UBAP1: variants seen among roughly 807,000 people sequenced by gnomAD.
The protein encoded by UBAP1 is ubiquitin associated protein 1.
UBAP1 carries 5 observed loss-of-function variants against 39.0 expected under a neutral mutation model. The ratio of observed to expected loss-of-function variants is 0.13; its 90% confidence interval spans 0.07 to 0.27. UBAP1 has a LOEUF of 0.27. Among genes scored for constraint, UBAP1 ranks in the 10% least tolerant of loss-of-function variants. The pLI, the probability that UBAP1 is intolerant of heterozygous loss-of-function variation, is 1.00. For synonymous variants in UBAP1, 211 were observed against 225.1 expected (o/e 0.94, Z 0.56); for missense variants, 490 against 608.1 (o/e 0.81, Z 2.04).
At chr9:34,230,254 C>CG (rs1471692369) in intron 2 of UBAP1, among the ~76,000 whole-genome samples, 1 of 150,630 alleles carries the variant, frequency 6.6e-6, no homozygotes, top group African/African-American at 2.4e-5. Flanking sequence ...TTAGTAGAGA[C>CG]GGGGTTTCAC....
At chr9:34,179,637 G>T (rs1829903683) in intron 1 of UBAP1, among the ~76,000 whole-genome samples, 1 of 152,060 alleles carries the variant, frequency 6.6e-6, no homozygotes, top group South Asian at 2.1e-4. Context: ...AGCTGGGGAC[G>T]TGCGGTGTAG....
intron 1 of UBAP1, among the ~76,000 whole-genome samples, chr9:34,184,874 G>T (rs1392551525): frequency 1.3e-5 from 2 of 150,934 alleles, no homozygotes; most frequent in African/African-American, 4.9e-5. Flanking sequence ...CTCCCACCTC[G>T]GCCTCCCAAA....
chr9:34,193,267 C>T (rs1028760316), intron 1 of UBAP1, among the ~76,000 whole-genome samples: 5 of 152,070 alleles, frequency 3.3e-5, no homozygotes, highest in Non-Finnish European at 7.4e-5. Flanking sequence ...GCTGAGATCA[C>T]GCCACTGCGC....
chr9:34,243,000 T>C (rs1171968023), intron 4 of UBAP1, among the ~76,000 whole-genome samples: 1 of 152,210 alleles, frequency 6.6e-6, no homozygotes, highest in Non-Finnish European at 1.5e-5. Context: ...TCTTGGTCAA[T>C]GATAGTCTGT....
At chr9:34,227,105 A>G (rs1161605739) in intron 2 of UBAP1, among the ~76,000 whole-genome samples, 1 of 152,114 alleles carries the variant, frequency 6.6e-6, no homozygotes, top group Non-Finnish European at 1.5e-5. Flanking sequence ...TCTGTGTCTT[A>G]TAATTTTTAA....
At chr9:34,235,143 A>G (rs967760420) in intron 3 of UBAP1, among the ~76,000 whole-genome samples, 4 of 152,190 alleles carry the variant, frequency 2.6e-5, no homozygotes, top group Non-Finnish European at 5.9e-5. Context: ...GAGTATAAAG[A>G]AAAATGTTTT....
chr9:34,182,807 TTCAC>T (rs1830165941), intron 1 of UBAP1, among the ~76,000 whole-genome samples: 1 of 151,774 alleles, frequency 6.6e-6, no homozygotes, highest in Admixed American at 6.6e-5. Context: ...GCCTCCTGGG[TTCAC>T]GCCATTCTCC....
intron 4 of UBAP1, among the ~76,000 whole-genome samples, chr9:34,247,028 T>G (rs1007797776): frequency 6.6e-6 from 1 of 152,166 alleles, no homozygotes; most frequent in African/African-American, 2.4e-5. Context: ...GAAAAAATAA[T>G]GACAAATGGC....
rs780419718 is a variant in UBAP1, at chr9:34,251,481, T to C, written c.1458T>C (p.Asn486=). ...DIKEVLLLHN[N]DQDNALEDLM... is the part of the protein sequence containing the mutation. ...AGGAAGTTTTGCTATTACACAACAA[T>C]GACCAGGACAATGCTTTGGAAGACC... The change falls in exon 7 of 7, where the codon AAT becomes AAC. Residue 486 remains asparagine, a synonymous_variant. Transcript: ENST00000297661. 1 of 1,614,202 alleles carries C rather than the reference T, an allele frequency of 6.2e-7. No individual in the cohort carries two copies. Among genetic ancestry groups the C allele is most frequent in the South Asian group, 1.1e-5 (1 of 91,084 alleles).
intron 1 of UBAP1, among the ~76,000 whole-genome samples, chr9:34,180,596 A>G (rs1014225021): frequency 8.6e-5 from 13 of 151,976 alleles, no homozygotes; most frequent in African/African-American, 3.1e-4. Flanking sequence ...TTAACTTACT[A>G]TAAGTGAAAT....
chr9:34,189,188 TC>T (rs1830578125), intron 1 of UBAP1, among the ~76,000 whole-genome samples: 1 of 151,000 alleles, frequency 6.6e-6, no homozygotes, highest in Non-Finnish European at 1.5e-5. Flanking sequence ...GATCATTATA[TC>T]TTTTTTTTTT....
intron 2 of UBAP1, among the ~76,000 whole-genome samples, chr9:34,232,312 G>C (rs1199859744): frequency 6.6e-6 from 1 of 152,158 alleles, no homozygotes; most frequent in Non-Finnish European, 1.5e-5. Flanking sequence ...CTTCTTAAAG[G>C]GCTAAATAAT....
chr9:34,203,022 TTC>T (rs1221995918), intron 1 of UBAP1, among the ~76,000 whole-genome samples: 1 of 152,170 alleles, frequency 6.6e-6, no homozygotes, highest in African/African-American at 2.4e-5. Flanking sequence ...AGTCTGTAGG[TTC>T]TCTTTTCATC....
At chr9:34,229,022 A>G (rs1280922232) in intron 2 of UBAP1, among the ~76,000 whole-genome samples, 1 of 152,154 alleles carries the variant, frequency 6.6e-6, no homozygotes, top group Non-Finnish European at 1.5e-5. Context: ...TACTAAATAA[A>G]TCACCTTGGC....
At chr9:34,196,232 G>A (rs557922355) in intron 1 of UBAP1, among the ~76,000 whole-genome samples, 3 of 151,420 alleles carry the variant, frequency 2.0e-5, no homozygotes, top group African/African-American at 4.8e-5. Flanking sequence ...TCGACCTTTC[G>A]GGCTGAAGTT....
chr9:34,182,141 G>A (rs1587770978), intron 1 of UBAP1, among the ~76,000 whole-genome samples: 2 of 147,532 alleles, frequency 1.4e-5, no homozygotes, highest in Middle Eastern at 6.8e-3. Flanking sequence ...TTTAACTATG[G>A]TATTTAAGGA....
chr9:34,241,957 G>C lies in UBAP1; in HGVS notation c.932G>C (p.Ser311Thr). Residue 311 changes from serine to threonine, a missense_variant, in exon 4 of 7, where the codon AGT (serine) becomes ACT (threonine). Physicochemically the swap from Ser to Thr is moderately conservative, Grantham distance 58 (BLOSUM62 1). Transcript: ENST00000297661. ...SLKPSTQSSA[S>T]ELNGHHTLGL... is the part of the protein sequence containing the mutation. ...AAGCCTTCCACCCAAAGCAGTGCCA[G>C]TGAGCTCAATGGGCATCACACTCTT... 6.2e-7 allele frequency: 1 copy of C among 1,614,174 alleles called. No individual in the cohort carries two copies. Among genetic ancestry groups the C allele is most frequent in the Non-Finnish European group, 8.5e-7 (1 of 1,180,036 alleles).
intron 1 of UBAP1, among the ~76,000 whole-genome samples, chr9:34,192,959 A>G (rs1408918888): frequency 6.6e-6 from 1 of 152,144 alleles, no homozygotes; most frequent in East Asian, 1.9e-4. Flanking sequence ...TACTGCTATT[A>G]TAGCTGATAA....
chr9:34,224,308 G>T, intron 2 of UBAP1: 1 of 448,536 alleles, frequency 2.2e-6, no homozygotes, highest in East Asian at 3.6e-5. Context: ...CGATGAGTAT[G>T]GTGTGCTGTC....
Sources: allele counts gnomAD v4.1 joint callset (sites outside exome capture counted in the v4.1 genomes callset), GRCh38; gene constraint gnomAD v4.1.1; transcripts MANE v1.5; gene names NCBI Gene and HGNC (gene_info 2026-07-23, HGNC 2026-07-21).